The following IGSF5 variants were observed in gnomAD, a reference collection of about 807,000 sequenced individuals.
IGSF5 encodes the protein immunoglobulin superfamily member 5, also known as immunoglobulin superfamily 5 like.
A neutral mutation model predicts 39.4 loss-of-function variants in IGSF5; 41 were observed. That is an observed-to-expected ratio of 1.04 (90% CI 0.81 to 1.35). IGSF5 has a LOEUF of 1.35. Ranked by LOEUF, IGSF5 falls within the 40% of genes most tolerant of loss-of-function variation. The pLI is 0.00. For missense variants in IGSF5, 487 were observed against 494.6 expected, an observed-to-expected ratio of 0.98 and a Z score of 0.15; for synonymous variants, 183 against 175.3, an observed-to-expected ratio of 1.04 and a Z score of -0.34.
the IGSF5 span, among the ~76,000 whole-genome samples, chr21:39,735,718 T>A: frequency 6.6e-6 from 1 of 152,226 alleles, no homozygotes; most frequent in East Asian, 1.9e-4. Context: ...CGCATATATA[T>A]GCCATCATGG....
At chr21:39,781,598 C>T (rs1349056361) in intron 5 of IGSF5, among the ~76,000 whole-genome samples, 1 of 152,204 alleles carries the variant, frequency 6.6e-6, no homozygotes, top group Non-Finnish European at 1.5e-5. Context: ...ACCAGCAACA[C>T]ATGAGAGTTC....
chr21:39,725,120 T>C, the IGSF5 span, among the ~76,000 whole-genome samples: 1 of 152,240 alleles, frequency 6.6e-6, no homozygotes, highest in Non-Finnish European at 1.5e-5. Context: ...CATTGTGATG[T>C]CCTGCCATTC....
intron 3 of IGSF5, among the ~76,000 whole-genome samples, chr21:39,767,045 T>G (rs2080090680): frequency 6.6e-6 from 1 of 152,224 alleles, no homozygotes; most frequent in African/African-American, 2.4e-5. Flanking sequence ...TGTAGTTTAA[T>G]TAGGGGCACA....
In IGSF5 at chr21:39,783,095, G is replaced by A. The variant is rs192713598; in HGVS notation, c.934+3790G>A. Among the ~76,000 whole-genome samples the A allele has an allele frequency of 4.5e-3, 679 of 152,222 alleles. 5 individuals carry two copies. Among genetic ancestry groups the A allele is most frequent in the Non-Finnish European group, 7.7e-3 (523 of 68,022 alleles). ...TGGAATAGTATTCCATTGCGTACAC[G>A]TGCCACATTTTCTTTATCCACTCAT... On this transcript the variant is annotated intron_variant, in intron 5 of 8. Coordinates refer to ENST00000380588, the MANE Select transcript of IGSF5 (RefSeq NM_001080444.2).
chr21:39,772,800 T>C (rs1053111375), intron 4 of IGSF5, among the ~76,000 whole-genome samples: 1 of 152,208 alleles, frequency 6.6e-6, no homozygotes, highest in African/African-American at 2.4e-5. Context: ...GGTAATGTAA[T>C]GTGGTCACAG....
At chr21:39,737,786 C>G in the IGSF5 span, among the ~76,000 whole-genome samples, 3,961 of 152,230 alleles carry the variant, frequency 0.026, 66 homozygotes, top group African/African-American at 0.052. Flanking sequence ...AGGGTTTGGT[C>G]TAAACCCAGC....
At chr21:39,778,202 A>G (rs1601134979) in intron 4 of IGSF5, among the ~76,000 whole-genome samples, 1 of 152,296 alleles carries the variant, frequency 6.6e-6, no homozygotes, top group East Asian at 1.9e-4. Context: ...CCTTTCTGTG[A>G]CGATAAAAAC....
At chr21:39,728,423 T>G in the IGSF5 span, among the ~76,000 whole-genome samples, 1 of 152,204 alleles carries the variant, frequency 6.6e-6, no homozygotes, top group African/African-American at 2.4e-5. Flanking sequence ...AACAAATACC[T>G]GAGCCAGGAA....
Position 39,793,591 on chromosome 21 carries a change from G to A in IGSF5, c.1106G>A (p.Ser369Asn), listed in dbSNP as rs1482574995. ...TCCAGTGATCCTGAACAAAGAAACAGTAGCTGTGGCCCTCCTCACCAGGTA... is the reference window on the plus strand; with the variant it reads ...TCCAGTGATCCTGAACAAAGAAACAATAGCTGTGGCCCTCCTCACCAGGTA... ...CESSDPEQRN[S>N]SCGPPHQRAD... Residue 369 changes from serine to asparagine, a missense_variant, in exon 8 of 9, where the codon AGT becomes AAT. Ser to Asn is a conservative substitution (Grantham distance 46). Coordinates refer to ENST00000380588, the MANE Select transcript of IGSF5 (RefSeq NM_001080444.2). 1.9e-6 allele frequency: 3 copies of A among 1,613,926 alleles called. No homozygotes were observed. Among genetic ancestry groups the A allele is most frequent in the Admixed American group, 1.7e-5 (1 of 60,006 alleles).
At chr21:39,786,659 G>A (rs1338477551) in intron 5 of IGSF5, among the ~76,000 whole-genome samples, 32 of 151,666 alleles carry the variant, frequency 2.1e-4, no homozygotes, top group African/African-American at 4.6e-4. Flanking sequence ...ACATGCACAC[G>A]TATGTTTATT....
chr21:39,786,707 C>T (rs1471983842), intron 5 of IGSF5, among the ~76,000 whole-genome samples: 1 of 152,130 alleles, frequency 6.6e-6, no homozygotes, highest in Non-Finnish European at 1.5e-5. Context: ...TGGAACCAAC[C>T]CACATGTCCA....
the IGSF5 span, among the ~76,000 whole-genome samples, chr21:39,715,594 C>T: frequency 6.6e-6 from 1 of 152,018 alleles, no homozygotes; most frequent in Non-Finnish European, 1.5e-5. Context: ...ATTTATTTTC[C>T]ATTGAGTGCT....
At chr21:39,758,206 G>T (rs950830245) in intron 2 of IGSF5, among the ~76,000 whole-genome samples, 2 of 152,028 alleles carry the variant, frequency 1.3e-5, no homozygotes, top group Admixed American at 6.6e-5. Context: ...ACAGGAGGCC[G>T]CTGGAACACA....
At chr21:39,714,649 C>T in the IGSF5 span, among the ~76,000 whole-genome samples, 1 of 152,182 alleles carries the variant, frequency 6.6e-6, no homozygotes, top group African/African-American at 2.4e-5. Flanking sequence ...TGAGCTTTGG[C>T]TTATAGAAGC....
intron 2 of IGSF5, among the ~76,000 whole-genome samples, chr21:39,753,563 A>G (rs934333180): frequency 4.6e-5 from 7 of 152,166 alleles, no homozygotes; most frequent in African/African-American, 1.7e-4. Flanking sequence ...GTCTAGTGTT[A>G]TCACTGGGGT....
chr21:39,746,163 A>G, intron 1 of IGSF5, 53 bp from the exon 2 acceptor site: 1 of 701,074 alleles, frequency 1.4e-6, no homozygotes, highest in Non-Finnish European at 2.6e-6. Context: ...TGCAGGAACA[A>G]TGGCGAGCCT....
At chr21:39,749,733 A>G (rs923603086) in intron 2 of IGSF5, among the ~76,000 whole-genome samples, 3 of 152,242 alleles carry the variant, frequency 2.0e-5, no homozygotes, top group African/African-American at 7.2e-5. Context: ...AGTTGTAGGT[A>G]GACAAGAGAC....
intron 2 of IGSF5, among the ~76,000 whole-genome samples, chr21:39,755,764 G>A (rs1399032561): frequency 6.6e-6 from 1 of 151,976 alleles, no homozygotes; most frequent in Non-Finnish European, 1.5e-5. Flanking sequence ...CAAGGGGCTG[G>A]GTCCCACAGT....
intron 8 of IGSF5, among the ~76,000 whole-genome samples, chr21:39,800,246 A>G (rs2087021330): frequency 6.6e-6 from 1 of 152,182 alleles, no homozygotes; most frequent in African/African-American, 2.4e-5. Context: ...ACTCACTGTC[A>G]GTGCATTTTC....
Sources: allele counts gnomAD v4.1 joint callset (sites outside exome capture counted in the v4.1 genomes callset), GRCh38; gene constraint gnomAD v4.1.1; transcripts MANE v1.5; gene names NCBI Gene and HGNC (gene_info 2026-07-23, HGNC 2026-07-21).